Variants in TGIF1 observed in about 807,000 individuals in gnomAD.
TGIF1 encodes the protein homeobox protein TGIF1.
TGIF1 carries 4 observed loss-of-function variants against 19.3 expected under a neutral mutation model. The observed-to-expected ratio is 0.21, with a 90% confidence interval of 0.10 to 0.47. The LOEUF (loss-of-function observed/expected upper bound fraction) is 0.47, where lower values mean the gene tolerates loss of function less well. TGIF1 is among the 20% of genes least tolerant of loss of function. The pLI, the probability that TGIF1 is intolerant of heterozygous loss-of-function variation, is 0.98. For synonymous variants in TGIF1, 122 were observed against 129.3 expected (o/e 0.94, Z 0.38); for missense variants, 275 against 341.4 (o/e 0.81, Z 1.53).
intron 1 of TGIF1, chr18:3,415,530 C>A: frequency 2.4e-6 from 1 of 423,412 alleles, no homozygotes; most frequent in South Asian, 1.7e-5. Context: ...TGCCAGCACC[C>A]CCTTTAGAGC....
chr18:3,443,780 G>A (rs560112896), intron 2 of TGIF1, among the ~76,000 whole-genome samples: 138 of 151,724 alleles, frequency 9.1e-4, no homozygotes, highest in African/African-American at 3.2e-3. Flanking sequence ...TGATCTGCCC[G>A]CCTTGGCCTC....
rs2049383734 is a variant in TGIF1, at chr18:3,457,198, C to G, written c.244-167C>G. 2 of 813,284 alleles carry G rather than the reference C, an allele frequency of 2.5e-6. No individual in the cohort carries two copies. Among genetic ancestry groups the G allele is most frequent in the Non-Finnish European group, 3.9e-6 (2 of 509,832 alleles). 50.4% of individuals were successfully genotyped at this position (813,284 alleles called of 1,614,324 possible). A position where few individuals can be genotyped will look rare whatever the true frequency, so the allele number is the denominator to read the frequency against. On this transcript the variant is annotated intron_variant, in intron 2 of 2. Transcript: ENST00000343820. The surrounding 1 kb of genome is among the most constrained non-coding windows in gnomAD (Gnocchi z 4.9). ...CTTATGACAGGTGGTAGCTTGCTTT[C>G]TTGGCGGAGCTCAGATACCTTGAAA...
At chr18:3,425,096 GT>G (rs1346636534) in intron 2 of TGIF1, among the ~76,000 whole-genome samples, 1 of 152,236 alleles carries the variant, frequency 6.6e-6, no homozygotes, top group African/African-American at 2.4e-5. Context: ...GGGCAGTCTT[GT>G]GGGACTGAAC....
chr18:3,434,706 C>T (rs2082593183), intron 2 of TGIF1, among the ~76,000 whole-genome samples: 2 of 152,180 alleles, frequency 1.3e-5, no homozygotes, highest in Non-Finnish European at 2.9e-5. Flanking sequence ...CAGAGTGAGA[C>T]TGTCTCAGAA....
At chr18:3,437,239 T>C (rs542801966) in intron 2 of TGIF1, among the ~76,000 whole-genome samples, 87 of 152,214 alleles carry the variant, frequency 5.7e-4, no homozygotes, top group Non-Finnish European at 1.1e-3. Context: ...TTGACATGAC[T>C]TCTCTGTGTG....
intron 1 of TGIF1, chr18:3,452,083 C>T: frequency 6.2e-7 from 1 of 1,614,042 alleles, no homozygotes; most frequent in Non-Finnish European, 8.5e-7. Flanking sequence ...GCCTCCCACC[C>T]CGGGAATCCC....
At chr18:3,448,386 G>A, upstream of TGIF1, 1 of 1,006,998 alleles carries the variant, frequency 9.9e-7, no homozygotes, top group Non-Finnish European at 1.2e-6. Flanking sequence ...GGGGGCGCTG[G>A]CCCCCTCCCT....
At chr18:3,416,370 T>C (rs2143109475) in intron 1 of TGIF1, among the ~76,000 whole-genome samples, 1 of 151,790 alleles carries the variant, frequency 6.6e-6, no homozygotes, top group Non-Finnish European at 1.5e-5. Context: ...AATACAAAAA[T>C]CAGCAGGGTG....
intron 2 of TGIF1, among the ~76,000 whole-genome samples, chr18:3,425,936 G>C (rs2082461879): frequency 6.6e-6 from 1 of 152,066 alleles, no homozygotes; most frequent in East Asian, 1.9e-4. Flanking sequence ...TGCTTGGTGT[G>C]TCAGGAAACC....
In TGIF1 at chr18:3,456,170, C is replaced by A; in HGVS notation, c.17-184C>A. 1.4e-6 allele frequency: 1 copy of A among 716,390 alleles called. No homozygotes were observed. Among genetic ancestry groups the A allele is most frequent in the Non-Finnish European group, 2.5e-6 (1 of 396,186 alleles). The allele number at this position is 716,390 out of a possible 1,614,324, so 44.4% of individuals were successfully genotyped here. A position where few individuals can be genotyped will look rare whatever the true frequency, so the allele number is the denominator to read the frequency against. The stretch of plus-strand genomic sequence containing the variant: ...CATCTGGCATTTGGTTGAGAGCCTC[C>A]TATGTGGTGCTAGTCAAACTACTTT... On this transcript the variant is annotated intron_variant, in intron 1 of 2. Transcript: ENST00000343820. The surrounding 1 kb of genome is among the most constrained non-coding windows in gnomAD (Gnocchi z 4.2).
chr18:3,418,761 G>A (rs909823026), intron 2 of TGIF1: 5 of 152,104 alleles, frequency 3.3e-5, no homozygotes, highest in African/African-American at 1.2e-4. Flanking sequence ...CTCTTATTTA[G>A]ATATTAAAAA....
chr18:3,431,424 GAGA>G (rs2082545587), intron 2 of TGIF1, among the ~76,000 whole-genome samples: 1 of 151,968 alleles, frequency 6.6e-6, no homozygotes, highest in African/African-American at 2.4e-5. Flanking sequence ...CGACAGGAGC[GAGA>G]CTGTGTCTCA....
chr18:3,423,543 T>C (rs925734560), intron 2 of TGIF1, among the ~76,000 whole-genome samples: 5 of 151,912 alleles, frequency 3.3e-5, no homozygotes, highest in African/African-American at 7.3e-5. Context: ...TAGCCGGGCT[T>C]GGTGTCGGGC....
intron 2 of TGIF1, among the ~76,000 whole-genome samples, chr18:3,434,961 G>A (rs1229563260): frequency 6.6e-6 from 1 of 152,100 alleles, no homozygotes; most frequent in Non-Finnish European, 1.5e-5. Flanking sequence ...CATGGACCTG[G>A]CCTGAAGTGG....
intron 2 of TGIF1, among the ~76,000 whole-genome samples, chr18:3,430,011 C>T (rs2082526349): frequency 6.6e-6 from 1 of 152,128 alleles, no homozygotes; most frequent in Admixed American, 6.6e-5. Flanking sequence ...AAAAAATTAG[C>T]CAGGCGTGGT....
chr18:3,448,347 T>C (rs1198851916), upstream of TGIF1: 3 of 985,194 alleles, frequency 3.0e-6, no homozygotes, highest in African/African-American at 3.5e-5. Context: ...TCAAACGAAA[T>C]AGCGAGGCGG....
At chr18:3,418,031 T>G (rs1041779037) in intron 1 of TGIF1, 5 of 118,188 alleles carry the variant, frequency 4.2e-5, no homozygotes, top group African/African-American at 1.9e-4. Context: ...TCGAAGTTGG[T>G]TTTTTTTTTT....
chr18:3,439,716 G>C (rs989409933), intron 2 of TGIF1, among the ~76,000 whole-genome samples: 1 of 151,914 alleles, frequency 6.6e-6, no homozygotes, highest in Admixed American at 6.6e-5. Flanking sequence ...CTCAGGGAAA[G>C]GAGAAAAGAA....
chr18:3,429,872 A>AG (rs2082524218), intron 2 of TGIF1, among the ~76,000 whole-genome samples: 2 of 152,342 alleles, frequency 1.3e-5, no homozygotes, highest in Admixed American at 6.5e-5. Flanking sequence ...GAAAAGGCTG[A>AG]GGCTGGGCAC....
Sources: allele counts gnomAD v4.1 joint callset (sites outside exome capture counted in the v4.1 genomes callset), GRCh38; gene constraint gnomAD v4.1.1; non-coding constraint Gnocchi (gnomAD v3.1); transcripts MANE v1.5; gene names NCBI Gene and HGNC (gene_info 2026-07-23, HGNC 2026-07-21).